MBD3L1: variants seen among roughly 807,000 people sequenced by gnomAD.
MBD3L1 encodes methyl-CpG binding domain protein 3 like 1.
For synonymous variants in MBD3L1, 84 were observed against 85.1 expected, an observed-to-expected ratio of 0.99 and a Z score of 0.07; for missense variants, 203 against 230.1, an observed-to-expected ratio of 0.88 and a Z score of 0.76.
intron 1 of MBD3L1, among the ~76,000 whole-genome samples, 196 bp downstream of exon 1, chr19:8,832,718 C>T (rs11672918): frequency 0.17 from 25,903 of 150,008 alleles, 2,742 homozygotes; most frequent in East Asian, 0.28. Flanking sequence ...GCCCAGTTCT[C>T]GGGGCGGATG....
At chr19:8,833,386 CA>C (rs1008937433) in intron 1 of MBD3L1, 4 of 152,172 alleles carry the variant, frequency 2.6e-5, no homozygotes, top group Admixed American at 1.3e-4. Context: ...CAAAGTCAGT[CA>C]AATATTCTCC....
At chr19:8,839,864 A>G (rs951294187) in intron 1 of MBD3L1, among the ~76,000 whole-genome samples, 1 of 152,112 alleles carries the variant, frequency 6.6e-6, no homozygotes, top group Non-Finnish European at 1.5e-5. Context: ...AAACTTGAAC[A>G]TGTTTAAATG....
chr19:8,834,384 C>A (rs565420561), intron 1 of MBD3L1, among the ~76,000 whole-genome samples: 2 of 151,736 alleles, frequency 1.3e-5, no homozygotes, highest in East Asian at 3.9e-4. Flanking sequence ...CTGAGGCAGG[C>A]AGATCACGAG....
At chr19:8,838,483 A>T (rs578054141) in intron 1 of MBD3L1, among the ~76,000 whole-genome samples, 1 of 152,060 alleles carries the variant, frequency 6.6e-6, no homozygotes, top group Non-Finnish European at 1.5e-5. Context: ...CAAACAACCA[A>T]GCATGCACAG....
chr19:8,834,638 C>CA lies in MBD3L1; in HGVS notation c.-107+2126dup, dbSNP rs778953517. On this transcript the variant is annotated intron_variant, in intron 1 of 2. Coordinates refer to ENST00000595891, the MANE Select transcript of MBD3L1 (RefSeq NM_001393532.1). ...AAAACAAACCAAAACCAAAAAAAAA[C>CA]AAAAAAAAAACCAACCAACCAAGAA... Among the ~76,000 whole-genome samples, 645 of 129,782 alleles carry CA rather than the reference C, an allele frequency of 5.0e-3. 4 individuals carry two copies. Among genetic ancestry groups the CA allele is most frequent in the East Asian group, 0.019 (83 of 4,480 alleles). 85.1% of individuals were successfully genotyped at this position (129,782 alleles called of 152,430 possible).
chr19:8,840,416 C>T (rs2044500319), intron 1 of MBD3L1, among the ~76,000 whole-genome samples: 1 of 152,174 alleles, frequency 6.6e-6, no homozygotes, highest in Non-Finnish European at 1.5e-5. Flanking sequence ...ATCCTCTTCA[C>T]TCGGCCTCCC....
At chr19:8,842,150 G>A (rs1043283639) in intron 2 of MBD3L1, among the ~76,000 whole-genome samples, 3 of 152,000 alleles carry the variant, frequency 2.0e-5, no homozygotes, top group African/African-American at 7.2e-5. Flanking sequence ...ACAATATGGT[G>A]AAACCTCGTC....
At chr19:8,842,238 A>G (rs1285896879) in intron 2 of MBD3L1, among the ~76,000 whole-genome samples, 1 of 150,566 alleles carries the variant, frequency 6.6e-6, no homozygotes, top group Non-Finnish European at 1.5e-5. Context: ...AGGTGGGTGG[A>G]TCACTTGAGC....
At chr19:8,842,478 T>G in intron 2 of MBD3L1, 180 bp from the exon 3 acceptor site, 1 of 551,170 alleles carries the variant, frequency 1.8e-6, no homozygotes, top group South Asian at 2.5e-5. Context: ...ATGAAGGAGA[T>G]TTTGACCTTG....
Position 8,841,284 on chromosome 19 carries a change from G to T in MBD3L1, c.-22+285G>T, listed in dbSNP as rs191405205. On this transcript the variant is annotated intron_variant, in intron 2 of 2. Transcript: ENST00000595891. Reference sequence around the variant, plus strand: ...TGGCCTCAAGTGATCCACCCACCTCGGCCTCCCAAAGTGCTGAGATTACAG... The same window carrying T: ...TGGCCTCAAGTGATCCACCCACCTCTGCCTCCCAAAGTGCTGAGATTACAG... Among the ~76,000 whole-genome samples the T allele has an allele frequency of 7.0e-3, 1,056 of 151,064 alleles. 11 individuals carry two copies. The highest frequency in any genetic ancestry group is 0.045 in the Middle Eastern group (13 of 292).
chr19:8,833,331 A>T (rs533571040), intron 1 of MBD3L1: 1 of 152,208 alleles, frequency 6.6e-6, no homozygotes, highest in Non-Finnish European at 1.5e-5. Flanking sequence ...GGAGCAGGAG[A>T]GGACTGGGTC....
chr19:8,843,108 T>C lies in MBD3L1; in HGVS notation c.430T>C (p.Cys144Arg). 1 of 1,613,766 alleles carries C rather than the reference T, an allele frequency of 6.2e-7. No individual in the cohort carries two copies. The highest frequency in any genetic ancestry group is 2.2e-5 in the East Asian group (1 of 44,858). ...GGGAGTGGGTATCTCGCAGCTCCTCTGCAAACAATTTCTGGTTACTGAGGA... is the reference window on the plus strand; with the variant it reads ...GGGAGTGGGTATCTCGCAGCTCCTCCGCAAACAATTTCTGGTTACTGAGGA... Reference protein sequence around the residue: ...AEGVGISQLLCKQFLVTEEDI... With the variant: ...AEGVGISQLLRKQFLVTEEDI... The change falls in exon 3 of 3, where the codon TGC (cysteine) becomes CGC (arginine). Residue 144 changes from cysteine to arginine, a missense_variant. By Grantham distance (180) the Cys-to-Arg change is radical (BLOSUM62 -3). Transcript: ENST00000595891.
intron 1 of MBD3L1, among the ~76,000 whole-genome samples, chr19:8,838,846 G>A (rs933348808): frequency 6.6e-6 from 1 of 152,152 alleles, no homozygotes; most frequent in Admixed American, 6.6e-5. Context: ...GGTCGTGCTG[G>A]AGGCGGCTAT....
intron 1 of MBD3L1, among the ~76,000 whole-genome samples, chr19:8,836,467 C>A (rs1353717657): frequency 1.3e-5 from 2 of 150,588 alleles, no homozygotes; most frequent in Admixed American, 1.3e-4. Context: ...CTCCTCCTCC[C>A]CCCCTCTCCT....
chr19:8,834,829 G>C (rs2044437331), intron 1 of MBD3L1, among the ~76,000 whole-genome samples: 1 of 151,992 alleles, frequency 6.6e-6, no homozygotes, highest in South Asian at 2.1e-4. Flanking sequence ...TTGTTTCTTA[G>C]ATATGACATC....
rs770888435 is a variant in MBD3L1, at chr19:8,843,296, AGT to A, written c.*36_*37del. 4.8e-6 allele frequency: 7 copies of A among 1,456,192 alleles called. No homozygotes were observed. The highest frequency in any genetic ancestry group is 6.4e-6 in the Non-Finnish European group (7 of 1,092,762). The allele number at this position is 1,456,192 out of a possible 1,614,324, so 90.2% of individuals were successfully genotyped here. A position where few individuals can be genotyped will look rare whatever the true frequency, so the allele number is the denominator to read the frequency against. ...AGGGAAGATAGTGCAGATGAAATAA[AGT>A]GTAATCCTTTATTAACATCTCTTTG... is the stretch of plus-strand genomic sequence containing the variant. On this transcript the variant is annotated 3_prime_UTR_variant, in exon 3 of 3. Coordinates refer to ENST00000595891, the MANE Select transcript of MBD3L1 (RefSeq NM_001393532.1).
intron 2 of MBD3L1, among the ~76,000 whole-genome samples, chr19:8,841,300 G>A (rs1480150289): frequency 6.6e-6 from 1 of 151,454 alleles, no homozygotes; most frequent in Non-Finnish European, 1.5e-5. Flanking sequence ...CCAAAGTGCT[G>A]AGATTACAGG....
intron 1 of MBD3L1, among the ~76,000 whole-genome samples, chr19:8,835,048 G>GT (rs777643019): frequency 8.2e-3 from 1,168 of 142,032 alleles, no homozygotes; most frequent in Middle Eastern, 0.018. Context: ...TGAACAAAGA[G>GT]TTTTTTTTTT....
At chr19:8,836,872 GA>G (rs1382130855) in intron 1 of MBD3L1, among the ~76,000 whole-genome samples, 1 of 152,146 alleles carries the variant, frequency 6.6e-6, no homozygotes. Flanking sequence ...AAAAATCTAT[GA>G]CATGTGGGCT....
Sources: allele counts gnomAD v4.1 joint callset (sites outside exome capture counted in the v4.1 genomes callset), GRCh38; gene constraint gnomAD v4.1.1; transcripts MANE v1.5; gene names NCBI Gene and HGNC (gene_info 2026-07-23, HGNC 2026-07-21).